Variants in RNASEH1 observed in about 807,000 individuals in gnomAD.
RNASEH1 encodes ribonuclease H type II.
Under a neutral mutation model 34.6 loss-of-function variants are expected in RNASEH1, and 27 were observed. The observed-to-expected ratio is 0.78, with a 90% confidence interval of 0.58 to 1.08. RNASEH1 has a LOEUF of 1.08. RNASEH1 is among the 50% of genes least tolerant of loss of function. The pLI is 0.00. For missense variants in RNASEH1, 349 were observed against 373.6 expected (o/e 0.93, Z 0.54); for synonymous variants, 162 against 138.4 (o/e 1.17, Z -1.20).
rs1293548358 is a variant in RNASEH1, at chr2:3,558,196, G to A, written c.65C>T (p.Ser22Phe). 4 of 1,601,904 alleles carry A rather than the reference G, an allele frequency of 2.5e-6. No individual in the cohort carries two copies. The highest frequency in any genetic ancestry group is 1.7e-5 in the Admixed American group (1 of 58,782). Reference protein sequence around the residue: ...ALAALPCRRGSRGFGMFYAVR... With the variant: ...ALAALPCRRGFRGFGMFYAVR... ...GGCATAGAACATCCCGAACCCGCGA[G>A]AGCCGCGGCGGCAGGGCAAGGCGGC... The change falls in exon 1 of 8, where the codon TCT becomes TTT. Residue 22 changes from serine (S) to phenylalanine (F), a missense_variant. By Grantham distance (155) the Ser-to-Phe change is radical. Around this residue, in one of 2 missense-constraint regions of RNASEH1, gnomAD observed 256 missense variants for 240.7 expected, o/e 1.06. Transcript: ENST00000315212.
chr2:3,556,532 T>C (rs1660517516), intron 2 of RNASEH1, among the ~76,000 whole-genome samples: 1 of 152,050 alleles, frequency 6.6e-6, no homozygotes, highest in African/African-American at 2.4e-5. Context: ...CAAGTATTTT[T>C]TTAAAAAAAG....
intron 3 of RNASEH1, among the ~76,000 whole-genome samples, chr2:3,551,740 G>C (rs1659934506): frequency 6.6e-6 from 1 of 152,146 alleles, no homozygotes; most frequent in African/African-American, 2.4e-5. Flanking sequence ...TTGCTTCTCA[G>C]GATAAAATAG....
At chr2:3,532,289 A>AG in the RNASEH1 span, 1 of 702,374 alleles carries the variant, frequency 1.4e-6, no homozygotes. Context: ...AAGAAACAGT[A>AG]GATCAGCAGT....
chr2:3,542,404 C>A lies in RNASEH1; in HGVS notation c.*3381G>T, dbSNP rs1668378188. Among the ~76,000 whole-genome samples the A allele has an allele frequency of 6.6e-6, 1 of 152,212 alleles. No homozygotes were observed. ...AAGATTCATCAGGCTTTTCATGCAT[C>A]ACTTTATGCTGGAAGAAAACAGAAT... On this transcript the variant is annotated 3_prime_UTR_variant, in exon 8 of 8. Coordinates refer to ENST00000315212, the MANE Select transcript of RNASEH1 (RefSeq NM_002936.6).
chr2:3,535,582 T>C, the RNASEH1 span, among the ~76,000 whole-genome samples: 18 of 152,216 alleles, frequency 1.2e-4, no homozygotes, highest in Middle Eastern at 0.01. Context: ...TCCCAGCACA[T>C]TGAGGAACGG....
downstream of RNASEH1, among the ~76,000 whole-genome samples, chr2:3,538,214 G>C (rs1000386726): frequency 1.5e-4 from 23 of 149,932 alleles, no homozygotes; most frequent in South Asian, 1.3e-3. Context: ...AGCCGGGCGT[G>C]GTGTTGGGCA....
chr2:3,539,822 T>C (rs1162102156), downstream of RNASEH1, among the ~76,000 whole-genome samples: 1 of 152,224 alleles, frequency 6.6e-6, no homozygotes, highest in Admixed American at 6.5e-5. Context: ...AGCCACAGCA[T>C]CTGTGGCCCA....
At chr2:3,557,690 C>A in intron 1 of RNASEH1, 7 of 435,882 alleles carry the variant, frequency 1.6e-5, no homozygotes, top group South Asian at 1.2e-4. Flanking sequence ...AGGGTTGTTA[C>A]AAGGATCCAA....
At chr2:3,541,123 T>C (rs922597875), downstream of RNASEH1, among the ~76,000 whole-genome samples, 5 of 151,934 alleles carry the variant, frequency 3.3e-5, no homozygotes, top group East Asian at 5.8e-4. Flanking sequence ...GGTCAGGAGA[T>C]TGAGACCATC....
At chr2:3,552,726 A>G (rs1458107234) in intron 2 of RNASEH1, among the ~76,000 whole-genome samples, 1 of 152,010 alleles carries the variant, frequency 6.6e-6, no homozygotes, top group Non-Finnish European at 1.5e-5. Flanking sequence ...TGCTGGGCGC[A>G]GTGGTGTGTG....
the RNASEH1 span, among the ~76,000 whole-genome samples, chr2:3,535,869 G>T: frequency 6.6e-6 from 1 of 152,218 alleles, no homozygotes; most frequent in African/African-American, 2.4e-5. Flanking sequence ...TGCAGTGGAG[G>T]TTAGGGCTGA....
Position 3,544,064 on chromosome 2 carries a change from A to G in RNASEH1, c.*1721T>C, listed in dbSNP as rs907170380. Among the ~76,000 whole-genome samples the G allele has an allele frequency of 6.6e-6, 1 of 152,248 alleles. No homozygotes were observed. The highest frequency in any genetic ancestry group is 1.5e-5 in the Non-Finnish European group (1 of 68,048). ...ATGAACTGTACCACTGGGTAACCAGATAAGTATAAAAAAGAAAACACTTTC... is the reference window on the plus strand; with the variant it reads ...ATGAACTGTACCACTGGGTAACCAGGTAAGTATAAAAAAGAAAACACTTTC... On this transcript the variant is annotated 3_prime_UTR_variant, in exon 8 of 8. Transcript: ENST00000315212.
downstream of RNASEH1, among the ~76,000 whole-genome samples, chr2:3,541,329 C>CA (rs58652290): frequency 0.03 from 3,440 of 114,796 alleles, 139 homozygotes; most frequent in African/African-American, 0.099. Context: ...GCTCCATCTC[C>CA]AAAAAAAAAA....
Position 3,542,960 on chromosome 2 carries a change from C to G in RNASEH1, c.*2825G>C, listed in dbSNP as rs1445385231. Reference sequence around the variant, plus strand: ...TAGCAATGAGCATCCTAAACTGGATCTGAAATACCATCTCTACCAGAGACT... The same window carrying G: ...TAGCAATGAGCATCCTAAACTGGATGTGAAATACCATCTCTACCAGAGACT... On this transcript the variant is annotated 3_prime_UTR_variant, in exon 8 of 8. Transcript: ENST00000315212. 1.3e-5 allele frequency among the ~76,000 whole-genome samples: 2 copies of G among 152,180 alleles called. No individual in the cohort carries two copies. Among genetic ancestry groups the G allele is most frequent in the Non-Finnish European group, 2.9e-5 (2 of 68,046 alleles).
chr2:3,540,549 CA>C (rs1668239127), downstream of RNASEH1, among the ~76,000 whole-genome samples: 1 of 152,204 alleles, frequency 6.6e-6, no homozygotes, highest in Non-Finnish European at 1.5e-5. Context: ...GCTGGGATTA[CA>C]GGCACCTGCC....
chr2:3,553,682 GC>G lies in RNASEH1; in HGVS notation c.245-1375del, dbSNP rs367862623. Among the ~76,000 whole-genome samples, 461 of 152,230 alleles carry G rather than the reference GC, an allele frequency of 3.0e-3. 2 individuals carry two copies. The highest frequency in any genetic ancestry group is 0.011 in the African/African-American group (443 of 41,522). On this transcript the variant is annotated intron_variant, in intron 2 of 7. Coordinates refer to ENST00000315212, the MANE Select transcript of RNASEH1 (RefSeq NM_002936.6). Reference sequence around the variant, plus strand: ...TGGGATTACAGGCGTGAGCCGCTGCGCCCGGCCCCAAAGAGATTCTTAATAC... The same window carrying G: ...TGGGATTACAGGCGTGAGCCGCTGCGCCGGCCCCAAAGAGATTCTTAATAC...
Position 3,542,244 on chromosome 2 carries a change from G to A in RNASEH1, c.*3541C>T, listed in dbSNP as rs1668365293. On this transcript the variant is annotated 3_prime_UTR_variant, in exon 8 of 8. Transcript: ENST00000315212. Reference sequence around the variant, plus strand: ...TACACATAGAAAGAGCACACCATACGCTTGCAAATATGGACCAGGACAACC... The same window carrying A: ...TACACATAGAAAGAGCACACCATACACTTGCAAATATGGACCAGGACAACC... Among the ~76,000 whole-genome samples the A allele has an allele frequency of 6.6e-6, 1 of 152,110 alleles. No homozygotes were observed.
chr2:3,543,953 A>G lies in RNASEH1; in HGVS notation c.*1832T>C, dbSNP rs1166668540. Reference sequence around the variant, plus strand: ...TATATGTAAAAACCCTTCACCACTCACCTTCCTTGACAGACAACTAATGCA... The same window carrying G: ...TATATGTAAAAACCCTTCACCACTCGCCTTCCTTGACAGACAACTAATGCA... On this transcript the variant is annotated 3_prime_UTR_variant, in exon 8 of 8. Transcript: ENST00000315212. Among the ~76,000 whole-genome samples, 1 of 152,028 alleles carries G rather than the reference A, an allele frequency of 6.6e-6. No homozygotes were observed. Among genetic ancestry groups the G allele is most frequent in the Non-Finnish European group, 1.5e-5 (1 of 67,996 alleles).
the RNASEH1 span, among the ~76,000 whole-genome samples, chr2:3,532,545 G>A: frequency 2.4e-3 from 358 of 152,078 alleles, 11 homozygotes; most frequent in East Asian, 0.064. Flanking sequence ...CCCGGGCCAC[G>A]TGGCACAGTC....
Sources: allele counts gnomAD v4.1 joint callset (sites outside exome capture counted in the v4.1 genomes callset), GRCh38; gene constraint gnomAD v4.1.1; regional missense constraint gnomAD v4.1.1; transcripts MANE v1.5; gene names NCBI Gene and HGNC (gene_info 2026-07-23, HGNC 2026-07-21).